Variants in ARB2A observed in about 807,000 individuals in gnomAD.
The protein encoded by ARB2A is ARB2 cotranscriptional regulator A.
At chr5:93,865,829 G>A in the ARB2A span, 3 of 985,252 alleles carry the variant, frequency 3.0e-6, no homozygotes, top group African/African-American at 1.7e-5. Context: ...CCGAATAGTA[G>A]GCAGGTGATA....
At chr5:93,626,629 G>A in the ARB2A span, among the ~76,000 whole-genome samples, 1 of 152,168 alleles carries the variant, frequency 6.6e-6, no homozygotes, top group African/African-American at 2.4e-5. Flanking sequence ...TCTACTAAGT[G>A]TGCAAAAGCA....
chr5:93,972,995 C>G, the ARB2A span, among the ~76,000 whole-genome samples: 5 of 151,956 alleles, frequency 3.3e-5, no homozygotes, highest in Non-Finnish European at 7.4e-5. Flanking sequence ...GTTGCCCGAG[C>G]TGGAATGCAG....
chr5:94,093,854 T>C, the ARB2A span, among the ~76,000 whole-genome samples: 11 of 152,206 alleles, frequency 7.2e-5, no homozygotes, highest in Non-Finnish European at 1.5e-4. Context: ...TGACAAGTTA[T>C]GTATTTCCAA....
At chr5:93,759,381 C>T in the ARB2A span, among the ~76,000 whole-genome samples, 2 of 152,118 alleles carry the variant, frequency 1.3e-5, no homozygotes, top group South Asian at 4.1e-4. Flanking sequence ...AAGGAACCCT[C>T]CCTAATTCAT....
At chr5:93,777,050 A>G in the ARB2A span, among the ~76,000 whole-genome samples, 1 of 151,388 alleles carries the variant, frequency 6.6e-6, no homozygotes, top group Non-Finnish European at 1.5e-5. Flanking sequence ...CCATATAAAA[A>G]TACTATTTTT....
the ARB2A span, among the ~76,000 whole-genome samples, chr5:93,630,105 A>G: frequency 8.2e-4 from 125 of 152,358 alleles, no homozygotes; most frequent in African/African-American, 2.9e-3. Context: ...AAGAAATAAA[A>G]TATAACTACT....
At chr5:93,855,543 C>A in the ARB2A span, among the ~76,000 whole-genome samples, 1 of 152,182 alleles carries the variant, frequency 6.6e-6, no homozygotes, top group Non-Finnish European at 1.5e-5. Context: ...GATGCAGTTT[C>A]TTCCTAGCCT....
chr5:93,621,108 G>A, the ARB2A span: 1 of 1,611,930 alleles, frequency 6.2e-7, no homozygotes, highest in Non-Finnish European at 8.5e-7. Flanking sequence ...CTTCCAGGAA[G>A]TTAGCTCGTG....
chr5:93,998,952 G>A, the ARB2A span, among the ~76,000 whole-genome samples: 4 of 151,976 alleles, frequency 2.6e-5, no homozygotes, highest in South Asian at 8.3e-4. Flanking sequence ...GTACATTTCA[G>A]TGCAAATACA....
the ARB2A span, among the ~76,000 whole-genome samples, chr5:94,059,293 A>C: frequency 6.6e-6 from 1 of 152,144 alleles, no homozygotes; most frequent in Non-Finnish European, 1.5e-5. Context: ...ATACAAAGGT[A>C]TATCATAATT....
the ARB2A span, among the ~76,000 whole-genome samples, chr5:93,709,008 T>C: frequency 1.3e-5 from 2 of 152,106 alleles, no homozygotes; most frequent in African/African-American, 4.8e-5. Flanking sequence ...AGAAAGTAGA[T>C]GGTAAGTGTT....
At chr5:93,741,722 G>C in the ARB2A span, 2 of 791,662 alleles carry the variant, frequency 2.5e-6, no homozygotes, top group Non-Finnish European at 3.9e-6. Flanking sequence ...TAGATCCATA[G>C]GAACTCCTGG....
At chr5:93,929,938 T>C in the ARB2A span, among the ~76,000 whole-genome samples, 1 of 152,186 alleles carries the variant, frequency 6.6e-6, no homozygotes, top group Admixed American at 6.5e-5. Context: ...AGTCTCAACC[T>C]GATCTTCACT....
chr5:93,778,353 C>T, the ARB2A span, among the ~76,000 whole-genome samples: 1 of 152,142 alleles, frequency 6.6e-6, no homozygotes, highest in Non-Finnish European at 1.5e-5. Flanking sequence ...AATTAGCCAG[C>T]TTTTATATAC....
At chr5:93,838,813 ATAG>A in the ARB2A span, among the ~76,000 whole-genome samples, 1 of 152,268 alleles carries the variant, frequency 6.6e-6, no homozygotes, top group East Asian at 1.9e-4. Context: ...GCAATTGTGA[ATAG>A]GACTGTGTTC....
chr5:94,104,858 G>GT, the ARB2A span, among the ~76,000 whole-genome samples: 1 of 151,884 alleles, frequency 6.6e-6, no homozygotes, highest in Admixed American at 6.6e-5. Context: ...ATGTAAATCA[G>GT]TAAATGTGAT....
the ARB2A span, among the ~76,000 whole-genome samples, chr5:93,987,173 T>A: frequency 6.6e-6 from 1 of 152,110 alleles, no homozygotes; most frequent in Non-Finnish European, 1.5e-5. Flanking sequence ...GAAAAGGTCA[T>A]CTTTCCCTCT....
chr5:93,715,698 A>T, the ARB2A span, among the ~76,000 whole-genome samples: 1 of 150,926 alleles, frequency 6.6e-6, no homozygotes, highest in African/African-American at 2.4e-5. Context: ...TTACCAGATA[A>T]TTTTGAAAGA....
At chr5:94,096,845 C>T in the ARB2A span, among the ~76,000 whole-genome samples, 8 of 152,176 alleles carry the variant, frequency 5.3e-5, no homozygotes, top group Non-Finnish European at 1.5e-5. Context: ...GGGAACTCAA[C>T]ACAGGGTTAC....
Sources: allele counts gnomAD v4.1 joint callset (sites outside exome capture counted in the v4.1 genomes callset), GRCh38; gene constraint gnomAD v4.1.1; transcripts MANE v1.5; gene names NCBI Gene and HGNC (gene_info 2026-07-23, HGNC 2026-07-21).